The following IQCE variants were observed in gnomAD, a reference collection of about 807,000 sequenced individuals.
IQCE encodes the protein IQ motif containing E, also known as IQ domain-containing protein E.
Under a neutral mutation model 96.0 loss-of-function variants are expected in IQCE, and 115 were observed. That is an observed-to-expected ratio of 1.20 (90% confidence interval 1.03 to 1.40). The LOEUF (loss-of-function observed/expected upper bound fraction) is 1.40. Among genes scored for constraint, IQCE ranks in the 40% most tolerant of loss-of-function variants. The probability of loss-of-function intolerance (pLI) is 0.00; values close to 1 mark genes in which losing one functional copy is unlikely to be tolerated. For synonymous variants in IQCE, 412 were observed against 371.2 expected (o/e 1.11, Z -1.26); for missense variants, 1,041 against 909.1 (o/e 1.15, Z -1.87).
intron 8 of IQCE, among the ~76,000 whole-genome samples, chr7:2,581,747 T>G (rs1782681333): frequency 6.6e-6 from 1 of 150,702 alleles, no homozygotes; most frequent in African/African-American, 2.4e-5. Context: ...TCTCGCTCTG[T>G]CACCCACGCT....
chr7:2,569,104 G>C, intron 3 of IQCE, 105 bp downstream of exon 3: 1 of 1,101,228 alleles, frequency 9.1e-7, no homozygotes, highest in Non-Finnish European at 1.3e-6. Context: ...GAGACCTGAC[G>C]CCTCAGCCAG....
chr7:2,597,001 T>G (rs1418333648), intron 16 of IQCE: 1 of 471,216 alleles, frequency 2.1e-6, no homozygotes, highest in East Asian at 6.9e-5. Flanking sequence ...CTAGGAAGAT[T>G]ACACTCCCAG....
At chr7:2,584,170 C>T in intron 10 of IQCE, 66 bp from the exon 11 acceptor site, 1 of 1,421,998 alleles carries the variant, frequency 7.0e-7, no homozygotes, top group South Asian at 1.1e-5. Flanking sequence ...TGATGTTGGT[C>T]TTTTCAGATA....
rs1785209432 is a variant in IQCE at position 2,614,170 on chromosome 7, C to T, written c.*4008C>T. On this transcript the variant is annotated 3_prime_UTR_variant, in exon 22 of 22. Coordinates refer to ENST00000402050, the MANE Select transcript of IQCE (RefSeq NM_152558.5). ...TAGGAAAAGATAGCCCAACCTAGCT[C>T]AGATCCACCAAGATAAGCACAGCAA... The T allele has an allele frequency of 6.6e-6, 1 of 152,190 alleles. No homozygotes were observed. Among genetic ancestry groups the T allele is most frequent in the Non-Finnish European group, 1.5e-5 (1 of 68,050 alleles). The allele number at this position is 152,190 out of a possible 1,614,324, so 9.4% of individuals were successfully genotyped here. A position where few individuals can be genotyped will look rare whatever the true frequency, so the allele number is the denominator to read the frequency against.
chr7:2,560,604 G>C (rs1278036723), intron 1 of IQCE, among the ~76,000 whole-genome samples: 1 of 152,108 alleles, frequency 6.6e-6, no homozygotes, highest in African/African-American at 2.4e-5. Flanking sequence ...GAACAAAACT[G>C]CTTGTTGTGA....
intron 13 of IQCE, among the ~76,000 whole-genome samples, chr7:2,589,605 G>A (rs1031527611): frequency 2.0e-5 from 3 of 152,110 alleles, no homozygotes; most frequent in African/African-American, 7.2e-5. Context: ...GGGAAGATGT[G>A]CAGAGTCGTT....
intron 14 of IQCE, 114 bp from the exon 15 acceptor site, chr7:2,592,908 C>G: frequency 8.8e-7 from 1 of 1,141,978 alleles, no homozygotes; most frequent in South Asian, 1.8e-5. Context: ...TCCTGCCCCA[C>G]CATCCACTGT....
At chr7:2,572,436 T>C in intron 5 of IQCE, 110 bp downstream of exon 5, 1 of 1,217,660 alleles carries the variant, frequency 8.2e-7, no homozygotes, top group Non-Finnish European at 1.1e-6. Context: ...GCTTCGTGCA[T>C]GAGCTCCGTC....
chr7:2,601,290 G>C, intron 17 of IQCE, 151 bp from the exon 18 acceptor site: 2 of 649,282 alleles, frequency 3.1e-6, no homozygotes, highest in South Asian at 3.4e-5. Context: ...GCGTTTGTTT[G>C]CTGGGTCCCG....
chr7:2,589,055 A>G (rs2128457484), intron 13 of IQCE, among the ~76,000 whole-genome samples: 1 of 152,344 alleles, frequency 6.6e-6, no homozygotes, highest in East Asian at 1.9e-4. Context: ...TTTAAAAAAT[A>G]GTTTTTTACA....
rs528001755 is a variant in IQCE at position 2,602,050 on chromosome 7, G to A, written c.1632+586G>A. The A allele has an allele frequency of 1.1e-4, 18 of 157,024 alleles. No individual in the cohort carries two copies. In the South Asian group the frequency reaches 3.1e-3, roughly 27 times the overall value. The allele number at this position is 157,024 out of a possible 1,614,324, so 9.7% of individuals were successfully genotyped here. ...GGGGCAGTCTCAGAGGCCCTGGGAC[G>A]CAAAGGCTCAAACACACAAGTGAAC... On this transcript the variant is annotated intron_variant, in intron 18 of 21. Transcript: ENST00000402050.
chr7:2,582,581 T>A lies in IQCE; in HGVS notation c.632T>A (p.Val211Asp), dbSNP rs1196918531. ...CTGATGGGCACGTTCCCCGGGCAGG[T>A]CATTAACGGGCTGAAGCAGAGGATC... ...LAEKRPDASW[V>D]INGLKQRILK... The change falls in exon 9 of 22, where the codon GTC becomes GAC. Residue 211 changes from valine to aspartate, a missense_variant and splice_region_variant. Transcript: ENST00000402050. 5.6e-6 allele frequency: 9 copies of A among 1,613,710 alleles called. No homozygotes were observed. Among genetic ancestry groups the A allele is most frequent in the African/African-American group, 1.3e-5 (1 of 74,880 alleles).
intron 6 of IQCE, among the ~76,000 whole-genome samples, chr7:2,577,548 C>T (rs1198523634): frequency 1.4e-5 from 2 of 137,996 alleles, no homozygotes; most frequent in Non-Finnish European, 3.1e-5. Flanking sequence ...TTGGCGTGTG[C>T]GTGGCTGTGC....
chr7:2,592,612 A>G (rs1187600366), intron 14 of IQCE, among the ~76,000 whole-genome samples: 1 of 152,252 alleles, frequency 6.6e-6, no homozygotes, highest in Admixed American at 6.5e-5. Context: ...ATCTGGGAGC[A>G]GTTCAGCTGG....
intron 8 of IQCE, among the ~76,000 whole-genome samples, chr7:2,579,030 G>T (rs536437085): frequency 6.7e-6 from 1 of 149,810 alleles, no homozygotes. Flanking sequence ...CTGCACTCCA[G>T]CCTGGGTGAC....
intron 8 of IQCE, among the ~76,000 whole-genome samples, chr7:2,580,672 G>A (rs1405723804): frequency 6.6e-6 from 1 of 152,164 alleles, no homozygotes; most frequent in Non-Finnish European, 1.5e-5. Context: ...AAATAGTGTG[G>A]ATTCACAGGC....
chr7:2,586,051 A>G, intron 11 of IQCE, among the ~76,000 whole-genome samples, 157 bp from the exon 12 acceptor site: 1 of 152,286 alleles, frequency 6.6e-6, no homozygotes, highest in Admixed American at 6.5e-5. Flanking sequence ...TAGAGTTCAA[A>G]GTTATTACTG....
At chr7:2,603,173 G>A (rs1370158671) in intron 18 of IQCE, among the ~76,000 whole-genome samples, 2 of 152,054 alleles carry the variant, frequency 1.3e-5, no homozygotes, top group Non-Finnish European at 2.9e-5. Context: ...CTCATCCCGA[G>A]GTCTCCAGCA....
chr7:2,572,493 C>G (rs1781828841), intron 5 of IQCE, among the ~76,000 whole-genome samples, 167 bp downstream of exon 5: 1 of 152,212 alleles, frequency 6.6e-6, no homozygotes, highest in Non-Finnish European at 1.5e-5. Context: ...CACACAGTGA[C>G]TCACAAAAAC....
Sources: allele counts gnomAD v4.1 joint callset (sites outside exome capture counted in the v4.1 genomes callset), GRCh38; gene constraint gnomAD v4.1.1; transcripts MANE v1.5; gene names NCBI Gene and HGNC (gene_info 2026-07-23, HGNC 2026-07-21).